TAS2R1: variants seen among roughly 807,000 people sequenced by gnomAD.
TAS2R1 encodes taste 2 receptor member 1.
For missense variants in TAS2R1, 370 were observed against 353.4 expected, an observed-to-expected ratio of 1.05 and a Z score of -0.38; for synonymous variants, 141 against 134.2, an observed-to-expected ratio of 1.05 and a Z score of -0.35.
At chr5:9,635,030 C>G (rs1739939337), upstream of TAS2R1, among the ~76,000 whole-genome samples, 2 of 151,978 alleles carry the variant, frequency 1.3e-5, no homozygotes, top group Admixed American at 1.3e-4. Flanking sequence ...TTCTAGTTCT[C>G]AGGGAGAATG....
the TAS2R1 span, among the ~76,000 whole-genome samples, chr5:9,891,000 G>A: frequency 7.2e-5 from 11 of 152,264 alleles, no homozygotes; most frequent in African/African-American, 9.6e-5. Context: ...TGGAGACCTC[G>A]GTAGGTGCCC....
the TAS2R1 span, among the ~76,000 whole-genome samples, chr5:9,744,632 G>C: frequency 6.6e-6 from 1 of 152,158 alleles, no homozygotes; most frequent in Admixed American, 6.5e-5. Context: ...TGAGGAAACA[G>C]AGTGGTGTCT....
At chr5:9,714,980 T>C (rs1308133857), upstream of TAS2R1, among the ~76,000 whole-genome samples, 1 of 152,182 alleles carries the variant, frequency 6.6e-6, no homozygotes, top group South Asian at 2.1e-4. Flanking sequence ...TGTCAGCCAA[T>C]GGGGAATTGA....
At chr5:9,679,247 A>G (rs1160561104) in intron 1 of TAS2R1, among the ~76,000 whole-genome samples, 1 of 152,252 alleles carries the variant, frequency 6.6e-6, no homozygotes, top group Admixed American at 6.5e-5. Context: ...TTTTTAGGAC[A>G]GTAAAACTAT....
At chr5:9,856,489 G>A in the TAS2R1 span, among the ~76,000 whole-genome samples, 49 of 152,320 alleles carry the variant, frequency 3.2e-4, no homozygotes, top group African/African-American at 1.2e-3. Flanking sequence ...GGCCCTGTCT[G>A]GAGTAGGTAT....
At chr5:9,886,869 T>C in the TAS2R1 span, among the ~76,000 whole-genome samples, 1 of 151,792 alleles carries the variant, frequency 6.6e-6, no homozygotes, top group Admixed American at 6.6e-5. Context: ...TCCCTGAACC[T>C]GAAATAAAAG....
chr5:9,775,938 G>A, the TAS2R1 span, among the ~76,000 whole-genome samples: 13 of 152,304 alleles, frequency 8.5e-5, no homozygotes, highest in African/African-American at 2.2e-4. Context: ...TGGCACAAGC[G>A]CTCCCTTGGC....
the TAS2R1 span, among the ~76,000 whole-genome samples, chr5:9,822,480 G>C: frequency 2.0e-5 from 3 of 151,386 alleles, no homozygotes; most frequent in Non-Finnish European, 4.4e-5. Flanking sequence ...CTCCCAAGTA[G>C]CTGGGACTAC....
rs114446361 is a variant in TAS2R1, at chr5:9,642,328, T to C, written c.-80-12336A>G. On this transcript the variant is annotated intron_variant, in intron 2 of 2. Coordinates refer to the TAS2R1 transcript ENST00000506620. ...GGAACAATTCCTGCTTTAAGAAACA[T>C]GTGCATGTATTAACATTGTTGTATA... Among the ~76,000 whole-genome samples, 1,013 of 152,284 alleles carry C rather than the reference T, an allele frequency of 6.7e-3. 5 individuals carry two copies. The highest frequency in any genetic ancestry group is 0.023 in the African/African-American group (937 of 41,566).
At chr5:9,646,453 T>C (rs946321834) in intron 2 of TAS2R1, among the ~76,000 whole-genome samples, 2 of 152,166 alleles carry the variant, frequency 1.3e-5, no homozygotes, top group African/African-American at 4.8e-5. Flanking sequence ...TGCACAACCA[T>C]TGGATTGGAC....
At chr5:9,710,667 T>C (rs1231318758) in intron 1 of TAS2R1, among the ~76,000 whole-genome samples, 1 of 151,826 alleles carries the variant, frequency 6.6e-6, no homozygotes, top group Non-Finnish European at 1.5e-5. Context: ...GGAACTCAAT[T>C]CAATAGCCAA....
the TAS2R1 span, among the ~76,000 whole-genome samples, chr5:9,881,009 G>T: frequency 1.3e-5 from 2 of 152,092 alleles, no homozygotes; most frequent in Non-Finnish European, 2.9e-5. Context: ...AGGAGCCACA[G>T]TCTCCGTGGA....
chr5:9,742,594 T>G, the TAS2R1 span, among the ~76,000 whole-genome samples: 1 of 152,244 alleles, frequency 6.6e-6, no homozygotes, highest in African/African-American at 2.4e-5. Flanking sequence ...ATTTAAGATC[T>G]GTGAAAAACA....
At chr5:9,896,255 C>T in the TAS2R1 span, among the ~76,000 whole-genome samples, 2 of 152,164 alleles carry the variant, frequency 1.3e-5, no homozygotes, top group African/African-American at 4.8e-5. Flanking sequence ...GATTATCTCT[C>T]GTGTCTTTTG....
intron 2 of TAS2R1, among the ~76,000 whole-genome samples, chr5:9,644,764 G>A (rs1284955101): frequency 2.6e-5 from 4 of 152,164 alleles, no homozygotes; most frequent in Non-Finnish European, 5.9e-5. Flanking sequence ...GTGCATTCGT[G>A]TCACTTCGAT....
chr5:9,877,816 T>C, the TAS2R1 span, among the ~76,000 whole-genome samples: 2 of 152,206 alleles, frequency 1.3e-5, no homozygotes, highest in African/African-American at 4.8e-5. Context: ...GTGTAAAAGT[T>C]GTTCTTTCTT....
At chr5:9,634,249 A>G (rs1161307913), upstream of TAS2R1, among the ~76,000 whole-genome samples, 4 of 151,910 alleles carry the variant, frequency 2.6e-5, no homozygotes, top group Non-Finnish European at 5.9e-5. Context: ...TCAGTTGGCT[A>G]TAAGTATTTG....
the TAS2R1 span, among the ~76,000 whole-genome samples, chr5:9,813,227 T>G: frequency 6.6e-6 from 1 of 152,084 alleles, no homozygotes; most frequent in Non-Finnish European, 1.5e-5. Flanking sequence ...GAAGAGAGGC[T>G]TGGAACAGAT....
At chr5:9,681,295 G>A (rs1159529307) in intron 1 of TAS2R1, among the ~76,000 whole-genome samples, 2 of 151,482 alleles carry the variant, frequency 1.3e-5, no homozygotes, top group Non-Finnish European at 2.9e-5. Context: ...GGGGCATATG[G>A]GGACCCTCTG....
Sources: gnomAD v4.1 joint callset for allele counts (sites outside exome capture counted in the v4.1 genomes callset) on GRCh38, gnomAD v4.1.1 for gene constraint, MANE v1.5 for transcripts, NCBI Gene and HGNC (gene_info 2026-07-23, HGNC 2026-07-21) for gene names.